Variants in SORCS2 observed in about 807,000 individuals in gnomAD.
SORCS2 encodes the protein sortilin related VPS10 domain containing receptor 2.
SORCS2 carries 100 observed loss-of-function variants against 141.6 expected under a neutral mutation model. The ratio of observed to expected loss-of-function variants is 0.71; its 90% CI spans 0.60 to 0.83. The LOEUF is 0.83. Among genes scored for constraint, SORCS2 ranks in the 40% least tolerant of loss-of-function variants. SORCS2 has a pLI of 0.00. For missense variants in SORCS2, 1,646 were observed against 1,560.2 expected, an observed-to-expected ratio of 1.05 and a Z score of -0.93; for synonymous variants, 789 against 676.9, an observed-to-expected ratio of 1.17 and a Z score of -2.57.
intron 2 of SORCS2, chr4:7,433,865 A>G (rs758431908): frequency 3.7e-6 from 6 of 1,613,892 alleles, no homozygotes; most frequent in Non-Finnish European, 8.5e-7. Context: ...GTGTCCACCA[A>G]GATGATGCAC....
intron 1 of SORCS2, among the ~76,000 whole-genome samples, chr4:7,371,684 G>A (rs1722257400): frequency 6.6e-6 from 1 of 152,144 alleles, no homozygotes; most frequent in African/African-American, 2.4e-5. Flanking sequence ...ATTACTTGTG[G>A]ATGAACTGAG....
At chr4:7,555,090 T>C (rs949525908) in intron 3 of SORCS2, among the ~76,000 whole-genome samples, 1 of 152,210 alleles carries the variant, frequency 6.6e-6, no homozygotes, top group Non-Finnish European at 1.5e-5. Context: ...GGTTTCTCTC[T>C]GGATACTGGA....
intron 3 of SORCS2, among the ~76,000 whole-genome samples, chr4:7,616,154 T>C (rs1276841866): frequency 2.6e-5 from 4 of 152,308 alleles, no homozygotes; most frequent in Non-Finnish European, 4.4e-5. Flanking sequence ...CCAGTATAGC[T>C]GGAATCATCT....
chr4:7,379,075 G>C (rs1722830833), intron 1 of SORCS2, among the ~76,000 whole-genome samples: 1 of 152,290 alleles, frequency 6.6e-6, no homozygotes, highest in South Asian at 2.1e-4. Flanking sequence ...CAGATGTCCT[G>C]GGTTATTGTG....
chr4:7,470,491 A>T (rs1391763297), intron 2 of SORCS2, among the ~76,000 whole-genome samples: 1 of 152,176 alleles, frequency 6.6e-6, no homozygotes, highest in Non-Finnish European at 1.5e-5. Flanking sequence ...TTCTTCATGG[A>T]GGCTTTAACT....
At chr4:7,584,602 A>T (rs1027177453) in intron 3 of SORCS2, among the ~76,000 whole-genome samples, 7 of 152,036 alleles carry the variant, frequency 4.6e-5, no homozygotes, top group Admixed American at 1.3e-4. Context: ...TACTACTCTC[A>T]CTCTAAGAAA....
intron 3 of SORCS2, among the ~76,000 whole-genome samples, chr4:7,576,587 C>T (rs905420245): frequency 6.6e-6 from 1 of 152,102 alleles, no homozygotes. Context: ...TGGGAAAAGA[C>T]CCAAAGAGCT....
At chr4:7,454,835 GTGTGTTGGGGTCAGGTGC>G (rs1728766501) in intron 2 of SORCS2, among the ~76,000 whole-genome samples, 1 of 130,994 alleles carries the variant, frequency 7.6e-6, no homozygotes, top group African/African-American at 2.9e-5. Context: ...GTCTGGTGCT[GTGTGTTGGGGTCAGGTGC>G]TGTGTTGGGG....
Position 7,682,824 on chromosome 4 carries a change from C to T in SORCS2, c.1423C>T (p.Arg475Cys), listed in dbSNP as rs201519007. ...VMTLITYNKGRDWDYLRPPSM... is the reference protein window; with the variant it reads ...VMTLITYNKGCDWDYLRPPSM... ...GACGCTTATAACCTACAACAAGGGCCGCGACTGGGATTACCTGAGGCCACC... is the reference window on the plus strand; with the variant it reads ...GACGCTTATAACCTACAACAAGGGCTGCGACTGGGATTACCTGAGGCCACC... Residue 475 changes from arginine to cysteine, a missense_variant, in exon 10 of 27, where the codon CGC becomes TGC. By Grantham distance (180) the Arg-to-Cys change is radical. Transcript: ENST00000507866. 150 of 1,612,952 alleles carry T rather than the reference C, an allele frequency of 9.3e-5. 1 individual carries two copies. The highest frequency in any genetic ancestry group is 4.9e-4 in the Middle Eastern group (3 of 6,062).
At chr4:7,692,719 G>A (rs1448078824) in intron 11 of SORCS2, among the ~76,000 whole-genome samples, 2 of 152,192 alleles carry the variant, frequency 1.3e-5, no homozygotes, top group East Asian at 1.9e-4. Context: ...ATGGGCACTC[G>A]ATTCTTCCCT....
chr4:7,377,117 A>G (rs4524382), intron 1 of SORCS2, among the ~76,000 whole-genome samples: 97,002 of 151,808 alleles, frequency 0.64, 31,725 homozygotes, highest in East Asian at 0.94. Flanking sequence ...GTAATTTCAA[A>G]TATTTGTTCA....
intron 2 of SORCS2, among the ~76,000 whole-genome samples, chr4:7,444,462 T>A (rs370900007): frequency 2.2e-4 from 33 of 152,276 alleles, no homozygotes; most frequent in African/African-American, 7.9e-4. Context: ...GAGGTCAGTG[T>A]CTGAGTGTGC....
chr4:7,647,218 G>A (rs1721139438), intron 4 of SORCS2, among the ~76,000 whole-genome samples: 1 of 152,140 alleles, frequency 6.6e-6, no homozygotes, highest in African/African-American at 2.4e-5. Context: ...GGTTAGCCAG[G>A]GTTTAGATGG....
chr4:7,719,205 G>A (rs962790272), intron 18 of SORCS2, among the ~76,000 whole-genome samples: 1 of 152,216 alleles, frequency 6.6e-6, no homozygotes, highest in Non-Finnish European at 1.5e-5. Flanking sequence ...TGCCAAGGTG[G>A]GGTGGGATGT....
At chr4:7,469,358 G>T (rs1376630558) in intron 2 of SORCS2, among the ~76,000 whole-genome samples, 1 of 152,200 alleles carries the variant, frequency 6.6e-6, no homozygotes, top group Non-Finnish European at 1.5e-5. Flanking sequence ...GCTCACAAAA[G>T]TTCTTTCTCC....
rs533175407 is a variant in SORCS2, at chr4:7,210,573, G to A, written c.480+17447G>A. 2.6e-5 allele frequency among the ~76,000 whole-genome samples: 4 copies of A among 152,354 alleles called. No homozygotes were observed. In the East Asian group the frequency reaches 7.7e-4, roughly 29 times the overall value. ...TGGGATTACAGGTGTGAGCCGCCAT[G>A]CCTGGATCAAACGCTTGACCTTGAT... On this transcript the variant is annotated intron_variant, in intron 1 of 26. Transcript: ENST00000507866.
At position 7,354,398 on chromosome 4, in the gene SORCS2, G is replaced by A. The variant is rs1203372059; in HGVS notation, c.481-41890G>A. On this transcript the variant is annotated intron_variant, in intron 1 of 26. Transcript: ENST00000507866. ...TCAGCCCCCTGGCTTTCTCCCCCAA[G>A]AAAGACCCCCCACCACCAAATACAG... Among the ~76,000 whole-genome samples the A allele has an allele frequency of 5.3e-5, 8 of 151,386 alleles. No homozygotes were observed. In the East Asian group the frequency reaches 1.6e-3, roughly 30 times the overall value.
At chr4:7,704,404 C>T (rs1725285242) in intron 14 of SORCS2, 120 bp downstream of exon 14, 3 of 859,844 alleles carry the variant, frequency 3.5e-6, no homozygotes, top group Non-Finnish European at 5.4e-6. Context: ...CTGCCACCTG[C>T]CCCAGGTCCC....
chr4:7,420,315 C>T (rs1001535911), intron 2 of SORCS2, among the ~76,000 whole-genome samples: 5 of 152,204 alleles, frequency 3.3e-5, no homozygotes, highest in African/African-American at 1.2e-4. Flanking sequence ...TCAGAGTCCC[C>T]ATCTGTAAAA....
Sources: allele counts gnomAD v4.1 joint callset (sites outside exome capture counted in the v4.1 genomes callset), GRCh38; gene constraint gnomAD v4.1.1; transcripts MANE v1.5; gene names NCBI Gene and HGNC (gene_info 2026-07-23, HGNC 2026-07-21).